The following PIEZO1 variants were observed in gnomAD, a reference collection of about 807,000 sequenced individuals.
PIEZO1 encodes the protein piezo type mechanosensitive ion channel component 1 (Er blood group), also known as piezo-type mechanosensitive ion channel component 1.
In PIEZO1, 296 loss-of-function variants were observed where a neutral mutation model predicts 297.2. The ratio of observed to expected loss-of-function variants is 1.00; its 90% CI spans 0.91 to 1.10. The LOEUF is 1.10. PIEZO1 is among the 50% of genes least tolerant of loss of function. The pLI, the probability that PIEZO1 is intolerant of heterozygous loss-of-function variation, is 0.00. For synonymous variants in PIEZO1, 2,427 were observed against 1,507.5 expected (o/e 1.61, Z -14.13); for missense variants, 5,018 against 3,455.5 (o/e 1.45, Z -11.34).
intron 1 of PIEZO1, among the ~76,000 whole-genome samples, chr16:88,783,886 G>C (rs974270972): frequency 6.6e-6 from 1 of 152,226 alleles, no homozygotes; most frequent in African/African-American, 2.4e-5. Flanking sequence ...CACCTGGAGC[G>C]AGGCAAGGGC....
chr16:88,730,496 G>A (rs925748288), intron 22 of PIEZO1, among the ~76,000 whole-genome samples: 2 of 151,306 alleles, frequency 1.3e-5, no homozygotes, highest in Non-Finnish European at 2.9e-5. Flanking sequence ...CACGAGGGAG[G>A]CTGAGACAGG....
chr16:88,775,920 C>A (rs1481682459), intron 1 of PIEZO1, among the ~76,000 whole-genome samples: 1 of 152,136 alleles, frequency 6.6e-6, no homozygotes, highest in African/African-American at 2.4e-5. Flanking sequence ...CACGCAGAGG[C>A]AAAGGCCCTC....
At chr16:88,722,750 G>T in intron 34 of PIEZO1, 61 bp from the exon 35 acceptor site, 2 of 1,527,894 alleles carry the variant, frequency 1.3e-6, no homozygotes, top group Middle Eastern at 1.7e-4. Flanking sequence ...ACGGGGTTTC[G>T]TGCAGTGGGC....
Position 88,722,282 on chromosome 16 carries a change from G to A in PIEZO1, c.4891C>T (p.Arg1631Cys), listed in dbSNP as rs566969453. The A allele has an allele frequency of 7.0e-5, 109 of 1,548,420 alleles. No individual in the cohort carries two copies. Among genetic ancestry groups the A allele is most frequent in the Admixed American group, 6.9e-4 (35 of 50,948 alleles). Reference protein sequence around the residue: ...SEEAVTDPGEREAGASLYQGL... With the variant: ...SEEAVTDPGECEAGASLYQGL... ...TGGTACAGAGAGGCACCAGCCTCACGCTCCCCGGGGTCGGTGACTGCCTCC... is the reference window on the plus strand; with the variant it reads ...TGGTACAGAGAGGCACCAGCCTCACACTCCCCGGGGTCGGTGACTGCCTCC... Residue 1631 changes from arginine to cysteine, a missense_variant, in exon 36 of 51, where the codon CGT (arginine) becomes TGT (cysteine). Transcript: ENST00000301015.
At chr16:88,769,278 C>T (rs1907314594) in intron 1 of PIEZO1, among the ~76,000 whole-genome samples, 1 of 152,216 alleles carries the variant, frequency 6.6e-6, no homozygotes, top group African/African-American at 2.4e-5. Context: ...TCTCAAACTC[C>T]TGGCCTCAAG....
intron 1 of PIEZO1, among the ~76,000 whole-genome samples, chr16:88,783,946 G>A (rs1053085426): frequency 6.6e-6 from 1 of 152,224 alleles, no homozygotes; most frequent in Non-Finnish European, 1.5e-5. Flanking sequence ...TGTCCATGGC[G>A]GACTCCCAAT....
intron 1 of PIEZO1, among the ~76,000 whole-genome samples, chr16:88,765,243 G>T (rs554300732): frequency 6.6e-6 from 1 of 152,326 alleles, no homozygotes; most frequent in East Asian, 1.9e-4. Context: ...CAGGCAGGAG[G>T]GGAGTCACCA....
Position 88,716,219 on chromosome 16 carries a change from G to C in PIEZO1, c.7108C>G (p.Pro2370Ala), listed in dbSNP as rs1227506504. 1 of 1,498,270 alleles carries C rather than the reference G, an allele frequency of 6.7e-7. No homozygotes were observed. The allele number at this position is 1,498,270 out of a possible 1,614,324, so 92.8% of individuals were successfully genotyped here. A position where few individuals can be genotyped will look rare whatever the true frequency, so the allele number is the denominator to read the frequency against. The stretch of plus-strand genomic sequence containing the variant: ...TCACTGGGCTGCAGCTGCTTCACAG[G>C]GTTGGCTTCGGGCCCGTTGGGGGCA... ...IRAPNGPEAN[P>A]VKQLQPNEEA... Residue 2370 changes from proline to alanine, a missense_variant, in exon 49 of 51, where the codon CCT becomes GCT. Transcript: ENST00000301015.
At chr16:88,729,739 G>C (rs944694655) in intron 22 of PIEZO1, among the ~76,000 whole-genome samples, 1 of 133,968 alleles carries the variant, frequency 7.5e-6, no homozygotes, top group Non-Finnish European at 1.6e-5. Context: ...GGAACCTCGC[G>C]ACACAAAAAC....
In PIEZO1 at chr16:88,715,756, G is replaced by A. The variant is rs750927939; in HGVS notation, c.7415C>T (p.Pro2472Leu). The A allele has an allele frequency of 2.1e-5, 33 of 1,550,436 alleles. No homozygotes were observed. The highest frequency in any genetic ancestry group is 4.8e-5 in the South Asian group (4 of 84,068). The change falls in exon 51 of 51, where the codon CCG becomes CTG. Residue 2472 changes from proline to leucine, a missense_variant. Physicochemically the swap from Pro to Leu is moderately conservative, Grantham distance 98. Coordinates refer to ENST00000301015, the MANE Select transcript of PIEZO1 (RefSeq NM_001142864.4). ...ISHSIMFEELPCVDRILKLCQ... is the reference protein window; with the variant it reads ...ISHSIMFEELLCVDRILKLCQ... ...GAGCTTGAGGATGCGGTCCACGCAC[G>A]GCAGCTCCTCGAACATAATGGAGTG... is the stretch of plus-strand genomic sequence containing the variant.
chr16:88,733,003 C>T, intron 19 of PIEZO1: 2 of 582,620 alleles, frequency 3.4e-6, no homozygotes, highest in Non-Finnish European at 6.1e-6. Flanking sequence ...CTGACTGTCT[C>T]TCCCTGTCCA....
In PIEZO1 at chr16:88,733,504, G is replaced by A. The variant is rs780135093; in HGVS notation, c.2488-50C>T. On this transcript the variant is annotated intron_variant, in intron 18 of 50. Coordinates refer to ENST00000301015, the MANE Select transcript of PIEZO1 (RefSeq NM_001142864.4). ...TGGGCTTGGGGAGGGCAGTGGGCACGTGGGGCTGGGCTTGGGGAGGCCAGC... is the reference window on the plus strand; with the variant it reads ...TGGGCTTGGGGAGGGCAGTGGGCACATGGGGCTGGGCTTGGGGAGGCCAGC... 2.1e-5 allele frequency: 32 copies of A among 1,532,906 alleles called. No homozygotes were observed. The East Asian group carries it at 3.7e-4, about 18-fold the overall frequency. 95.0% of individuals were successfully genotyped at this position (1,532,906 alleles called of 1,614,324 possible). A position where few individuals can be genotyped will look rare whatever the true frequency, so the allele number is the denominator to read the frequency against.
At position 88,726,417 on chromosome 16, in the gene PIEZO1, G is replaced by A. The variant is rs1001312442; in HGVS notation, c.3835C>T (p.Pro1279Ser). The A allele has an allele frequency of 1.3e-6, 2 of 1,550,502 alleles. No individual in the cohort carries two copies. The highest frequency in any genetic ancestry group is 8.7e-7 in the Non-Finnish European group (1 of 1,146,932). ...CAGATGATGCCAGCCTCCTCCACAGGCAGCAGGCAGTCCTGGTCTCTGTCC... is the reference window on the plus strand; with the variant it reads ...CAGATGATGCCAGCCTCCTCCACAGACAGCAGGCAGTCCTGGTCTCTGTCC... ...MMDRDQDCLLPVEEAGIIWDS... is the reference protein window; with the variant it reads ...MMDRDQDCLLSVEEAGIIWDS... The change falls in exon 27 of 51, where the codon CCT becomes TCT. Residue 1279 changes from proline (P) to serine (S), a missense_variant. By Grantham distance (74) the Pro-to-Ser change is moderately conservative. Coordinates refer to ENST00000301015, the MANE Select transcript of PIEZO1 (RefSeq NM_001142864.4).
intron 1 of PIEZO1, among the ~76,000 whole-genome samples, chr16:88,778,898 G>A (rs1907797760): frequency 6.6e-6 from 1 of 152,208 alleles, no homozygotes; most frequent in Non-Finnish European, 1.5e-5. Flanking sequence ...GGAAGCGGCC[G>A]TTCCAGCTGG....
chr16:88,740,710 C>T (rs1371385095), intron 5 of PIEZO1: 5 of 152,322 alleles, frequency 3.3e-5, no homozygotes, highest in Non-Finnish European at 7.3e-5. Context: ...AGTTGAGGCC[C>T]ATGTGCGTGG....
At chr16:88,742,543 G>C in intron 2 of PIEZO1, 121 bp from the exon 3 acceptor site, 1 of 1,025,162 alleles carries the variant, frequency 9.8e-7, no homozygotes, top group Non-Finnish European at 1.4e-6. Flanking sequence ...ATGCAAACCC[G>C]CCATGGACTC....
chr16:88,767,388 GC>G (rs1173778154), intron 1 of PIEZO1, among the ~76,000 whole-genome samples: 1 of 152,024 alleles, frequency 6.6e-6, no homozygotes, highest in Non-Finnish European at 1.5e-5. Flanking sequence ...ACAGCCCAGA[GC>G]CCCCCAGCCC....
chr16:88,755,902 C>T lies in PIEZO1; in HGVS notation c.65-6423G>A, dbSNP rs528524778. Among the ~76,000 whole-genome samples, 614 of 152,234 alleles carry T rather than the reference C, an allele frequency of 4.0e-3. 2 individuals are homozygous for T. Among genetic ancestry groups the T allele is most frequent in the African/African-American group, 0.012 (494 of 41,526 alleles). The stretch of plus-strand genomic sequence containing the variant: ...GCCAGCAGATCCTGACATGAGAAAC[C>T]GGGGCCAGGGGGTGGCAATTCCTGG... On this transcript the variant is annotated intron_variant, in intron 1 of 50. Transcript: ENST00000301015.
Position 88,741,576 on chromosome 16 carries a change from C to A in PIEZO1, c.367G>T (p.Ala123Ser), listed in dbSNP as rs1211126363. 1 of 1,535,612 alleles carries A rather than the reference C, an allele frequency of 6.5e-7. No individual in the cohort carries two copies. Among genetic ancestry groups the A allele is most frequent in the Admixed American group, 2.0e-5 (1 of 50,956 alleles). ...KDIPNAIRLVAPDLGILVVSS... is the reference protein window; with the variant it reads ...KDIPNAIRLVSPDLGILVVSS... Reference sequence around the variant, plus strand: ...ACCACCAAGATGCCCAGGTCAGGGGCCACCAGCCGGATGGCGTTGGGGATG... The same window carrying A: ...ACCACCAAGATGCCCAGGTCAGGGGACACCAGCCGGATGGCGTTGGGGATG... Residue 123 changes from alanine to serine, a missense_variant, in exon 5 of 51, where the codon GCC becomes TCC. By Grantham distance (99) the Ala-to-Ser change is moderately conservative (BLOSUM62 1). Transcript: ENST00000301015.
Sources: gnomAD v4.1 joint callset for allele counts (sites outside exome capture counted in the v4.1 genomes callset) on GRCh38, gnomAD v4.1.1 for gene constraint, MANE v1.5 for transcripts, NCBI Gene and HGNC (gene_info 2026-07-23, HGNC 2026-07-21) for gene names.